The following DNAH5 variants were observed in gnomAD, a reference collection of about 807,000 sequenced individuals.
The protein encoded by DNAH5 is dynein axonemal heavy chain 5, also known as axonemal beta dynein heavy chain 5.
Under a neutral mutation model 518.2 loss-of-function variants are expected in DNAH5, and 372 were observed. That is an observed-to-expected ratio of 0.72 (90% CI 0.66 to 0.78). DNAH5 has a LOEUF of 0.78. Among genes scored for constraint, DNAH5 ranks in the 30% least tolerant of loss-of-function variants. The pLI is 0.00. For synonymous variants in DNAH5, 2,039 were observed against 2,025.9 expected (o/e 1.01, Z -0.17); for missense variants, 5,523 against 5,687.0 (o/e 0.97, Z 0.93).
chr5:13,792,971 T>C (rs146457249), intron 49 of DNAH5, among the ~76,000 whole-genome samples: 32 of 152,342 alleles, frequency 2.1e-4, no homozygotes, highest in African/African-American at 7.2e-4. Flanking sequence ...CATATATGCT[T>C]ACTTATTTGG....
chr5:13,897,977 A>C (rs1774123247), intron 15 of DNAH5: 1 of 152,224 alleles, frequency 6.6e-6, no homozygotes, highest in Non-Finnish European at 1.5e-5. Context: ...GCCATATAAG[A>C]AATTCTACTA....
chr5:13,755,676 G>A (rs895955514), intron 61 of DNAH5, among the ~76,000 whole-genome samples: 1 of 152,104 alleles, frequency 6.6e-6, no homozygotes, highest in Non-Finnish European at 1.5e-5. Flanking sequence ...CCATCGGAGA[G>A]AACCATCCCC....
Position 13,768,889 on chromosome 5 carries a change from T to C in DNAH5, c.9897+71A>G, listed in dbSNP as rs571217939. 511 of 1,522,718 alleles carry C rather than the reference T, an allele frequency of 3.4e-4. 10 individuals carry two copies. In the South Asian group the frequency reaches 5.5e-3, roughly 16 times the overall value. 94.3% of individuals were successfully genotyped at this position (1,522,718 alleles called of 1,614,324 possible). On this transcript the variant is annotated intron_variant, in intron 58 of 78. Transcript: ENST00000265104. ...AACCAGTAGAGCATTTCCTTGCTGTTATTCATCTTTTTAGCATTAGTCTGC... is the reference window on the plus strand; with the variant it reads ...AACCAGTAGAGCATTTCCTTGCTGTCATTCATCTTTTTAGCATTAGTCTGC...
chr5:13,916,406 A>C lies in DNAH5; in HGVS notation c.1139T>G (p.Ile380Ser). Residue 380 changes from isoleucine (I) to serine (S), a missense_variant, in exon 9 of 79, where the codon ATC becomes AGC. By Grantham distance (142) the Ile-to-Ser change is moderately radical. Coordinates refer to ENST00000265104, the MANE Select transcript of DNAH5 (RefSeq NM_001369.3). ...IPTLINAIKM[I>S]YSISHYYNTS... ...ATTATAGTAATGAGAGATACTATAGATCATTTTAATTGCATTTATAAGTGT... is the reference window on the plus strand; with the variant it reads ...ATTATAGTAATGAGAGATACTATAGCTCATTTTAATTGCATTTATAAGTGT... 1 of 1,556,338 alleles carries C rather than the reference A, an allele frequency of 6.4e-7. No homozygotes were observed. Among genetic ancestry groups the C allele is most frequent in the Non-Finnish European group, 8.9e-7 (1 of 1,129,700 alleles).
intron 53 of DNAH5, among the ~76,000 whole-genome samples, chr5:13,778,546 G>GAAAGAAAGAA (rs1754496165): frequency 2.0e-5 from 1 of 51,014 alleles, no homozygotes; most frequent in South Asian, 8.2e-4. Context: ...AGAGAAGAAA[G>GAAAGAAAGAA]AAAGAAAGAA....
chr5:13,766,182 G>A lies in DNAH5; in HGVS notation c.9898-3C>T. The A allele has an allele frequency of 1.2e-6, 2 of 1,614,116 alleles. No homozygotes were observed. Among genetic ancestry groups the A allele is most frequent in the Non-Finnish European group, 1.7e-6 (2 of 1,179,978 alleles). ...GCGATGTCCGAAGGCCTGATGGTCTGGGGGATGAAAGGAACGATCACCCAA... is the reference window on the plus strand; with the variant it reads ...GCGATGTCCGAAGGCCTGATGGTCTAGGGGATGAAAGGAACGATCACCCAA... On this transcript the variant is annotated splice_polypyrimidine_tract_variant and splice_region_variant and intron_variant, in intron 58 of 78. Coordinates refer to ENST00000265104, the MANE Select transcript of DNAH5 (RefSeq NM_001369.3).
Position 13,708,206 on chromosome 5 carries a change from C to T in DNAH5, c.13255G>A (p.Asp4419Asn). 5 of 1,614,130 alleles carry T rather than the reference C, an allele frequency of 3.1e-6. No individual in the cohort carries two copies. The highest frequency in any genetic ancestry group is 4.2e-6 in the Non-Finnish European group (5 of 1,180,012). ...TTTTCGCTCATGATGATGGTGCCAT[C>T]AATAGCAAGTTTCAGCTCAGTGAGG... ...STLTELKLAI[D>N]GTIIMSENLR... is the part of the protein sequence containing the mutation. Residue 4419 changes from aspartate to asparagine, a missense_variant, in exon 76 of 79, where the codon GAT becomes AAT. Physicochemically the swap from Asp to Asn is conservative, Grantham distance 23. Transcript: ENST00000265104.
At chr5:13,714,869 G>A (rs1744082696) in intron 74 of DNAH5, among the ~76,000 whole-genome samples, 1 of 152,172 alleles carries the variant, frequency 6.6e-6, no homozygotes, top group Non-Finnish European at 1.5e-5. Context: ...ATTTAATCAA[G>A]AGAGACTGTC....
chr5:13,919,508 C>A, intron 6 of DNAH5, 156 bp from the exon 7 acceptor site: 2 of 801,188 alleles, frequency 2.5e-6, no homozygotes, highest in South Asian at 2.4e-5. Flanking sequence ...ACTCACTTAG[C>A]ATGCATCCAT....
intron 1 of DNAH5, among the ~76,000 whole-genome samples, chr5:13,971,343 A>C (rs532735365): frequency 6.6e-6 from 1 of 152,116 alleles, no homozygotes; most frequent in African/African-American, 2.4e-5. Context: ...GGTGTTAAAG[A>C]AACTTGTTTT....
Position 13,874,492 on chromosome 5 carries a change from TTTGA to T in DNAH5, c.3396+2188_3396+2191del, listed in dbSNP as rs559596341. ...GTTCTGATTATGTAACCAAGGTTAT[TTTGA>T]TTGTTTGGTCCAGCTCAACGTTTCT... On this transcript the variant is annotated intron_variant, in intron 22 of 78. Coordinates refer to ENST00000265104, the MANE Select transcript of DNAH5 (RefSeq NM_001369.3). Among the ~76,000 whole-genome samples, 525 of 152,268 alleles carry T rather than the reference TTTGA, an allele frequency of 3.4e-3. 4 individuals are homozygous for T. Among genetic ancestry groups the T allele is most frequent in the African/African-American group, 0.012 (503 of 41,546 alleles).
At chr5:13,874,297 A>C (rs1297830006) in intron 22 of DNAH5, among the ~76,000 whole-genome samples, 1 of 152,194 alleles carries the variant, frequency 6.6e-6, no homozygotes, top group Non-Finnish European at 1.5e-5. Context: ...GAGCTCTCTC[A>C]CCACCCAAGC....
At position 13,769,591 on chromosome 5, in the gene DNAH5, G is replaced by A. The variant is rs910986442; in HGVS notation, c.9630C>T (p.Leu3210=). 1 of 1,613,766 alleles carries A rather than the reference G, an allele frequency of 6.2e-7. No homozygotes were observed. Among genetic ancestry groups the A allele is most frequent in the Admixed American group, 1.7e-5 (1 of 59,986 alleles). ...ANRMNTGLEK[L]KEASESVAAL... ...CTGCAACAGACTCTGAAGCTTCTTT[G>A]AGCTTTTCCAATCCAGTATTCATTC... Residue 3210 remains leucine (L), a synonymous_variant, in exon 57 of 79, where the codon CTC becomes CTT. Transcript: ENST00000265104.
At chr5:13,864,266 T>A in intron 28 of DNAH5, 131 bp downstream of exon 28, 1 of 1,205,082 alleles carries the variant, frequency 8.3e-7, no homozygotes, top group South Asian at 1.2e-5. Context: ...TTGAAGGAAC[T>A]AGTGGCTGAA....
intron 1 of DNAH5, among the ~76,000 whole-genome samples, chr5:13,933,555 C>T (rs1443364970): frequency 6.6e-6 from 1 of 152,006 alleles, no homozygotes; most frequent in Non-Finnish European, 1.5e-5. Flanking sequence ...ACTTTGGAGG[C>T]CAAGGCGGGT....
intron 1 of DNAH5, among the ~76,000 whole-genome samples, chr5:13,994,229 C>A (rs1783769061): frequency 6.6e-6 from 1 of 152,170 alleles, no homozygotes; most frequent in Non-Finnish European, 1.5e-5. Context: ...GCTCACTCTG[C>A]CTTTGACCCC....
intron 65 of DNAH5, among the ~76,000 whole-genome samples, chr5:13,750,085 G>A (rs1405274679): frequency 6.6e-6 from 1 of 152,120 alleles, no homozygotes; most frequent in Non-Finnish European, 1.5e-5. Context: ...GAGAAGGGGA[G>A]GAAGTGGAGG....
At chr5:13,730,705 ATTTTTTT>A (rs925844207) in intron 68 of DNAH5, among the ~76,000 whole-genome samples, 3 of 123,468 alleles carry the variant, frequency 2.4e-5, no homozygotes, top group African/African-American at 9.0e-5. Flanking sequence ...AAGTGCTGTT[ATTTTTTT>A]TTTTTTTTGA....
chr5:13,988,754 C>T (rs1177105085), intron 1 of DNAH5, among the ~76,000 whole-genome samples: 1 of 116,660 alleles, frequency 8.6e-6, no homozygotes, highest in East Asian at 3.8e-4. Flanking sequence ...CAGAGTCTTA[C>T]TCTGTCACCT....
Sources: allele counts gnomAD v4.1 joint callset (sites outside exome capture counted in the v4.1 genomes callset), GRCh38; gene constraint gnomAD v4.1.1; transcripts MANE v1.5; gene names NCBI Gene and HGNC (gene_info 2026-07-23, HGNC 2026-07-21).